HERC3: variants seen among roughly 807,000 people sequenced by gnomAD.
HERC3 encodes probable E3 ubiquitin-protein ligase HERC3.
Under a neutral mutation model 129.9 loss-of-function variants are expected in HERC3, and 58 were observed. The observed-to-expected ratio is 0.45, with a 90% CI of 0.36 to 0.56. The LOEUF (loss-of-function observed/expected upper bound fraction) is 0.56, where lower values mean the gene tolerates loss of function less well. Ranked by LOEUF, HERC3 falls within the 20% of genes least tolerant of loss-of-function variation. The pLI is 0.00. For missense variants in HERC3, 835 were observed against 1,244.2 expected (o/e 0.67, Z 4.95); for synonymous variants, 430 against 451.0 (o/e 0.95, Z 0.59).
At chr4:88,655,819 A>G (rs905062711) in intron 8 of HERC3, 56 bp from the exon 9 acceptor site, 1 of 1,534,638 alleles carries the variant, frequency 6.5e-7, no homozygotes, top group Non-Finnish European at 8.9e-7. Context: ...TCAGAGTCAG[A>G]GTGTACATCC....
At chr4:88,564,348 A>AT in the HERC3 span, among the ~76,000 whole-genome samples, 1 of 152,198 alleles carries the variant, frequency 6.6e-6, no homozygotes. Flanking sequence ...TTTGACTAGA[A>AT]TTGGTATTAG....
chr4:88,652,238 C>T (rs1288784419), intron 5 of HERC3, 150 bp downstream of exon 5: 26 of 631,640 alleles, frequency 4.1e-5, no homozygotes, highest in Non-Finnish European at 2.5e-5. Context: ...CTCATATGGG[C>T]TTTGCATAGC....
intron 19 of HERC3, among the ~76,000 whole-genome samples, chr4:88,678,407 C>G (rs1436300888): frequency 1.3e-5 from 2 of 152,088 alleles, no homozygotes; most frequent in East Asian, 3.8e-4. Flanking sequence ...CAAAAACAAG[C>G]AAACAACAAC....
At chr4:88,524,350 C>T in the HERC3 span, among the ~76,000 whole-genome samples, 1 of 152,158 alleles carries the variant, frequency 6.6e-6, no homozygotes, top group South Asian at 2.1e-4. Context: ...TAATTTACTT[C>T]TATAAATGAG....
intron 3 of HERC3, among the ~76,000 whole-genome samples, chr4:88,608,022 G>A (rs1723863456): frequency 6.6e-6 from 1 of 152,060 alleles, no homozygotes; most frequent in African/African-American, 2.4e-5. Flanking sequence ...TAACCTTACA[G>A]TTTTTTCTAG....
At chr4:88,561,673 C>T in the HERC3 span, among the ~76,000 whole-genome samples, 2 of 152,028 alleles carry the variant, frequency 1.3e-5, no homozygotes, top group African/African-American at 4.8e-5. Context: ...TTATCCTTTC[C>T]AACATCTAGT....
chr4:88,650,075 T>C, intron 4 of HERC3, 76 bp downstream of exon 4: 1 of 1,408,782 alleles, frequency 7.1e-7, no homozygotes, highest in Non-Finnish European at 9.7e-7. Flanking sequence ...TTGTTTTTCT[T>C]CTGTTTTCTT....
chr4:88,706,231 C>G (rs925870845), intron 25 of HERC3, among the ~76,000 whole-genome samples: 1 of 152,204 alleles, frequency 6.6e-6, no homozygotes, highest in African/African-American at 2.4e-5. Flanking sequence ...CACTAGAAAA[C>G]AAGGAGCTGT....
chr4:88,524,240 A>G, the HERC3 span, among the ~76,000 whole-genome samples: 4 of 152,302 alleles, frequency 2.6e-5, 1 homozygote, highest in Non-Finnish European at 4.4e-5. Context: ...AAAAGTGAGA[A>G]CCTGGAAGGA....
At chr4:88,580,545 A>G in the HERC3 span, among the ~76,000 whole-genome samples, 1 of 152,044 alleles carries the variant, frequency 6.6e-6, no homozygotes, top group Admixed American at 6.6e-5. Context: ...AAGGAAGTGG[A>G]ATTAATTTTC....
chr4:88,604,206 A>G (rs962717798), intron 2 of HERC3, among the ~76,000 whole-genome samples: 23 of 152,154 alleles, frequency 1.5e-4, no homozygotes, highest in Non-Finnish European at 3.1e-4. Context: ...TTTAGTAGAG[A>G]TGGGGTCTCC....
chr4:88,705,497 C>T (rs190242116), intron 25 of HERC3, among the ~76,000 whole-genome samples: 3 of 152,348 alleles, frequency 2.0e-5, no homozygotes, highest in Non-Finnish European at 4.4e-5. Flanking sequence ...AGCTCCCCCA[C>T]CAGTCTTTCT....
chr4:88,625,069 T>C (rs989668359), intron 3 of HERC3, among the ~76,000 whole-genome samples: 2 of 152,222 alleles, frequency 1.3e-5, no homozygotes, highest in Admixed American at 6.5e-5. Context: ...TTCCTTAGTA[T>C]TACACTGTGT....
At chr4:88,571,621 T>G in the HERC3 span, among the ~76,000 whole-genome samples, 17 of 152,216 alleles carry the variant, frequency 1.1e-4, no homozygotes, top group Admixed American at 2.6e-4. Context: ...AATATCCTTA[T>G]AGCTGGAACC....
chr4:88,690,593 C>A (rs1733976025), intron 23 of HERC3: 1 of 985,170 alleles, frequency 1.0e-6, no homozygotes, highest in African/African-American at 1.7e-5. Context: ...GAGTATGATA[C>A]AGTGGCTGGG....
At chr4:88,591,880 C>T (rs149084864), upstream of HERC3, among the ~76,000 whole-genome samples, 3,033 of 152,280 alleles carry the variant, frequency 0.02, 95 homozygotes, top group African/African-American at 0.069. Flanking sequence ...CCCAGGCCCG[C>T]CTTTCTTCCG....
the HERC3 span, among the ~76,000 whole-genome samples, chr4:88,554,271 G>A: frequency 6.6e-6 from 1 of 151,630 alleles, no homozygotes; most frequent in Admixed American, 6.6e-5. Flanking sequence ...CTTGAATCTG[G>A]GAGGTGGAGT....
At chr4:88,573,476 G>T in the HERC3 span, among the ~76,000 whole-genome samples, 1 of 152,176 alleles carries the variant, frequency 6.6e-6, no homozygotes, top group Non-Finnish European at 1.5e-5. Flanking sequence ...TGGACTGTTT[G>T]CCTACTTTGA....
the HERC3 span, among the ~76,000 whole-genome samples, chr4:88,554,424 CA>C: frequency 6.6e-6 from 1 of 151,216 alleles, no homozygotes; most frequent in Admixed American, 6.6e-5. Flanking sequence ...TGGTAGCAGG[CA>C]CATAATTTTC....
Sources: gnomAD v4.1 joint callset for allele counts (sites outside exome capture counted in the v4.1 genomes callset) on GRCh38, gnomAD v4.1.1 for gene constraint, MANE v1.5 for transcripts, NCBI Gene and HGNC (gene_info 2026-07-23, HGNC 2026-07-21) for gene names.